The following GMEB2 variants were observed in gnomAD, a reference collection of about 807,000 sequenced individuals.
The protein encoded by GMEB2 is glucocorticoid modulatory element-binding protein 2.
GMEB2 carries 7 observed loss-of-function variants against 45.7 expected under a neutral mutation model. The observed-to-expected ratio is 0.15, with a 90% CI of 0.09 to 0.29. The LOEUF is 0.29. GMEB2 is among the 10% of genes least tolerant of loss of function. The pLI is 1.00. For missense variants in GMEB2, 582 were observed against 739.2 expected (o/e 0.79, Z 2.47); for synonymous variants, 322 against 323.6 (o/e 1.00, Z 0.05).
chr20:63,604,892 C>A, intron 2 of GMEB2, 52 bp from the exon 3 acceptor site: 1 of 984,072 alleles, frequency 1.0e-6, no homozygotes, highest in Middle Eastern at 2.1e-4. Context: ...GAGGGCACAA[C>A]CTGCAGGGCA....
chr20:63,618,028 C>T (rs2089621525), intron 2 of GMEB2, among the ~76,000 whole-genome samples: 1 of 151,930 alleles, frequency 6.6e-6, no homozygotes. Flanking sequence ...GCTGAGGAGA[C>T]GTGGACACCA....
At chr20:63,599,655 G>A (rs953717508) in intron 4 of GMEB2, among the ~76,000 whole-genome samples, 2 of 152,170 alleles carry the variant, frequency 1.3e-5, no homozygotes, top group African/African-American at 4.8e-5. Flanking sequence ...GATCTTCTCT[G>A]TCCCCGTCCT....
At position 63,588,776 on chromosome 20, in the gene GMEB2, C is replaced by A; in HGVS notation, c.*1313G>T. On this transcript the variant is annotated 3_prime_UTR_variant, in exon 10 of 10. Transcript: ENST00000370077. ...TCCAGGGGAATCTGGCACTCAGGGT[C>A]CTCCCGGGACATGCCCTGTTGGAGA... 1 of 398,692 alleles carries A rather than the reference C, an allele frequency of 2.5e-6. No homozygotes were observed. The highest frequency in any genetic ancestry group is 1.3e-4 in the South Asian group (1 of 7,856). 24.7% of individuals were successfully genotyped at this position (398,692 alleles called of 1,614,324 possible).
intron 9 of GMEB2, among the ~76,000 whole-genome samples, chr20:63,591,440 G>C (rs957031806): frequency 1.5e-4 from 23 of 151,886 alleles, no homozygotes; most frequent in Non-Finnish European, 3.1e-4. Context: ...AGCTCTGAGC[G>C]GGGTCAGGAC....
At chr20:63,599,998 T>C (rs556035824) in intron 4 of GMEB2, among the ~76,000 whole-genome samples, 8 of 152,248 alleles carry the variant, frequency 5.3e-5, no homozygotes, top group Non-Finnish European at 7.4e-5. Context: ...CCATTGTCCA[T>C]AGTCAAATTC....
Position 63,619,511 on chromosome 20 carries a change from A to G in GMEB2, c.-57-57T>C. ...AGTCATCTCCACATCCACACAACAT[A>G]GCACTCACAAAGGCATCTCTAATCA... is the stretch of plus-strand genomic sequence containing the variant. On this transcript the variant is annotated intron_variant, in intron 1 of 9. Coordinates refer to ENST00000370077, the MANE Select transcript of GMEB2 (RefSeq NM_012384.5). The surrounding 1 kb of genome is among the most constrained non-coding windows in gnomAD (Gnocchi z 4.6). The G allele has an allele frequency of 1.9e-6, 2 of 1,051,858 alleles. No individual in the cohort carries two copies. The highest frequency in any genetic ancestry group is 1.6e-5 in the African/African-American group (1 of 62,692). The allele number at this position is 1,051,858 out of a possible 1,614,324, so 65.2% of individuals were successfully genotyped here.
chr20:63,604,200 G>GA (rs35469694), intron 3 of GMEB2, among the ~76,000 whole-genome samples: 80,375 of 118,858 alleles, frequency 0.68, 28,336 homozygotes, highest in Non-Finnish European at 0.8. Context: ...CCTATTTCTT[G>GA]AAAAAAAAAA....
chr20:63,595,202 G>A (rs1195581583), intron 6 of GMEB2, among the ~76,000 whole-genome samples: 1 of 151,970 alleles, frequency 6.6e-6, no homozygotes, highest in Non-Finnish European at 1.5e-5. Context: ...CAGCACGGAA[G>A]GCGGGAGCAC....
intron 2 of GMEB2, among the ~76,000 whole-genome samples, chr20:63,610,003 A>T (rs529325713): frequency 6.8e-6 from 1 of 147,866 alleles, no homozygotes; most frequent in East Asian, 2.0e-4. Flanking sequence ...CTCCACCTCC[A>T]TTTCTAGAAA....
chr20:63,589,167 G>C lies in GMEB2; in HGVS notation c.*922C>G. Reference sequence around the variant, plus strand: ...TGGTTCTGTTTATGCCTCTGCCCCAGGACTGAAGCCCTAGGGACACACCTC... The same window carrying C: ...TGGTTCTGTTTATGCCTCTGCCCCACGACTGAAGCCCTAGGGACACACCTC... On this transcript the variant is annotated 3_prime_UTR_variant, in exon 10 of 10. Coordinates refer to ENST00000370077, the MANE Select transcript of GMEB2 (RefSeq NM_012384.5). 2.5e-6 allele frequency: 1 copy of C among 399,210 alleles called. No individual in the cohort carries two copies. 24.7% of individuals were successfully genotyped at this position (399,210 alleles called of 1,614,324 possible). A position where few individuals can be genotyped will look rare whatever the true frequency, so the allele number is the denominator to read the frequency against.
intron 2 of GMEB2, among the ~76,000 whole-genome samples, chr20:63,605,726 G>A (rs145783026): frequency 0.035 from 5,250 of 150,734 alleles, 130 homozygotes; most frequent in African/African-American, 0.06. Context: ...AGGCTGAGGC[G>A]GGCAGATCAC....
In GMEB2 at chr20:63,590,248, G is replaced by A. The variant is rs768341716; in HGVS notation, c.1434C>T (p.Leu478=). Residue 478 remains leucine (L), a synonymous_variant, in exon 10 of 10, where the codon CTC becomes CTT. Coordinates refer to ENST00000370077, the MANE Select transcript of GMEB2 (RefSeq NM_012384.5). The stretch of plus-strand genomic sequence containing the variant: ...GGGTGGGGCCCAGGCCAGGCAACGT[G>A]AGCAGCTGTAGCGGGCTGACCACCT... ...VFKVVSPLQL[L]TLPGLGPTLQ... 1.2e-6 allele frequency: 2 copies of A among 1,612,394 alleles called. No homozygotes were observed. Among genetic ancestry groups the A allele is most frequent in the Non-Finnish European group, 8.5e-7 (1 of 1,179,770 alleles).
intron 1 of GMEB2, among the ~76,000 whole-genome samples, chr20:63,622,600 G>C (rs895489537): frequency 6.6e-6 from 1 of 152,236 alleles, no homozygotes; most frequent in South Asian, 2.1e-4. Flanking sequence ...CTGGACCAGG[G>C]GGCTCTACTT....
chr20:63,624,771 G>A (rs1474516439), intron 1 of GMEB2, among the ~76,000 whole-genome samples: 4 of 152,106 alleles, frequency 2.6e-5, no homozygotes, highest in African/African-American at 2.4e-5. Flanking sequence ...GCAGTGGCCC[G>A]ATCTCGGCTC....
intron 9 of GMEB2, among the ~76,000 whole-genome samples, chr20:63,591,130 G>C (rs1344190268): frequency 1.3e-5 from 2 of 151,510 alleles, no homozygotes; most frequent in African/African-American, 2.4e-5. Flanking sequence ...AAGAGAGAGA[G>C]GAGGAAAAGC....
At chr20:63,611,838 TG>T (rs1012136931) in intron 2 of GMEB2, among the ~76,000 whole-genome samples, 2 of 149,948 alleles carry the variant, frequency 1.3e-5, no homozygotes, top group Admixed American at 1.3e-4. Flanking sequence ...GGCAACACAG[TG>T]AGAGCCCATT....
At chr20:63,611,678 G>A (rs1031615088) in intron 2 of GMEB2, among the ~76,000 whole-genome samples, 1 of 151,134 alleles carries the variant, frequency 6.6e-6, no homozygotes, top group African/African-American at 2.4e-5. Flanking sequence ...AGACACAGTG[G>A]AGCTAGAAGG....
chr20:63,626,779 C>G (rs2089677882), intron 1 of GMEB2, among the ~76,000 whole-genome samples, 177 bp downstream of exon 1: 1 of 146,512 alleles, frequency 6.8e-6, no homozygotes, highest in Admixed American at 6.8e-5. Context: ...GCGCCGCCCG[C>G]CTGACGCCGC....
At chr20:63,598,218 A>G (rs1490805535) in intron 4 of GMEB2, among the ~76,000 whole-genome samples, 2 of 152,204 alleles carry the variant, frequency 1.3e-5, no homozygotes, top group Non-Finnish European at 2.9e-5. Flanking sequence ...ACGTTATTGC[A>G]TACGTTACAT....
Sources: gnomAD v4.1 joint callset for allele counts (sites outside exome capture counted in the v4.1 genomes callset) on GRCh38, gnomAD v4.1.1 for gene constraint, Gnocchi (gnomAD v3.1) non-coding constraint, MANE v1.5 for transcripts, NCBI Gene and HGNC (gene_info 2026-07-23, HGNC 2026-07-21) for gene names.